ZBTB20: variants seen among roughly 807,000 people sequenced by gnomAD.
The protein encoded by ZBTB20 is zinc finger and BTB domain-containing protein 20.
ZBTB20 carries 9 observed loss-of-function variants against 56.9 expected under a neutral mutation model. That is an observed-to-expected ratio of 0.16 (90% confidence interval 0.10 to 0.28). The LOEUF is 0.28. Ranked by LOEUF, ZBTB20 falls within the 10% of genes least tolerant of loss-of-function variation. The pLI is 1.00. For missense variants in ZBTB20, 655 were observed against 1,003.0 expected (o/e 0.65, Z 4.69); for synonymous variants, 417 against 420.7 (o/e 0.99, Z 0.11).
At chr3:114,855,101 A>G (rs1027579194) in intron 4 of ZBTB20, among the ~76,000 whole-genome samples, 4 of 152,212 alleles carry the variant, frequency 2.6e-5, no homozygotes, top group Non-Finnish European at 4.4e-5. Flanking sequence ...ACTATCAATC[A>G]ATAATTATGT....
chr3:114,985,046 T>C (rs1206338316), intron 2 of ZBTB20, among the ~76,000 whole-genome samples: 1 of 152,086 alleles, frequency 6.6e-6, no homozygotes, highest in Non-Finnish European at 1.5e-5. Flanking sequence ...ATCCACCCTA[T>C]CTGACCCAAG....
chr3:114,575,424 T>C (rs1488181477), intron 6 of ZBTB20, among the ~76,000 whole-genome samples: 1 of 152,210 alleles, frequency 6.6e-6, no homozygotes, highest in Non-Finnish European at 1.5e-5. Context: ...TTGTTTTATT[T>C]AATCTGCTTT....
intron 2 of ZBTB20, among the ~76,000 whole-genome samples, chr3:115,032,023 C>T (rs902786791): frequency 2.0e-5 from 3 of 151,420 alleles, no homozygotes; most frequent in Non-Finnish European, 3.0e-5. Context: ...TTCCTTTGGG[C>T]TTTCAAGGGA....
chr3:114,499,620 G>A (rs985440214), intron 7 of ZBTB20, among the ~76,000 whole-genome samples: 9 of 152,080 alleles, frequency 5.9e-5, no homozygotes, highest in African/African-American at 2.2e-4. Flanking sequence ...GGGTTCATTG[G>A]CCTAGAATCT....
chr3:115,006,006 TTTTTTTC>T (rs1024996167), intron 2 of ZBTB20, among the ~76,000 whole-genome samples: 3 of 151,754 alleles, frequency 2.0e-5, no homozygotes, highest in African/African-American at 7.2e-5. Flanking sequence ...CCAAATGTTT[TTTTTTTC>T]TTTTTTCTTT....
chr3:114,998,133 G>A (rs1016154637), intron 2 of ZBTB20, among the ~76,000 whole-genome samples: 2 of 151,528 alleles, frequency 1.3e-5, no homozygotes, highest in Admixed American at 6.6e-5. Flanking sequence ...AGTATAGATA[G>A]GTCAAATTTA....
intron 7 of ZBTB20, among the ~76,000 whole-genome samples, chr3:114,390,232 G>T (rs1490766072): frequency 6.6e-6 from 1 of 152,026 alleles, no homozygotes; most frequent in African/African-American, 2.4e-5. Flanking sequence ...CATATATCAT[G>T]GATGACCTCT....
chr3:115,134,592 C>T (rs540035794), intron 1 of ZBTB20, among the ~76,000 whole-genome samples: 12 of 152,048 alleles, frequency 7.9e-5, no homozygotes, highest in Non-Finnish European at 1.8e-4. Context: ...TATGCTCTCC[C>T]ACAAATCCTG....
intron 4 of ZBTB20, among the ~76,000 whole-genome samples, chr3:114,812,213 G>A (rs1051376275): frequency 5.9e-5 from 9 of 151,782 alleles, no homozygotes; most frequent in East Asian, 5.8e-4. Context: ...CTTATCTGGC[G>A]CCACCCACAT....
intron 6 of ZBTB20, among the ~76,000 whole-genome samples, chr3:114,549,993 A>C (rs1045613504): frequency 6.6e-6 from 1 of 151,936 alleles, no homozygotes; most frequent in African/African-American, 2.4e-5. Flanking sequence ...GTTGGAGTGC[A>C]GTGGCGCGAT....
intron 4 of ZBTB20, among the ~76,000 whole-genome samples, chr3:114,862,707 A>G (rs1279084669): frequency 1.3e-5 from 2 of 152,164 alleles, no homozygotes; most frequent in Non-Finnish European, 2.9e-5. Flanking sequence ...ATTTGTTGCA[A>G]TAAGTGTATA....
chr3:114,435,986 AAT>A (rs1189089816), intron 7 of ZBTB20, among the ~76,000 whole-genome samples: 1 of 152,088 alleles, frequency 6.6e-6, no homozygotes, highest in Admixed American at 6.5e-5. Flanking sequence ...ATTTGGTTAA[AAT>A]GTGTTTGAAG....
intron 7 of ZBTB20, among the ~76,000 whole-genome samples, chr3:114,497,227 A>G (rs568781341): frequency 3.3e-5 from 5 of 152,102 alleles, no homozygotes; most frequent in African/African-American, 1.2e-4. Context: ...TGGTCTCCCT[A>G]TTCTGAGTCA....
At chr3:114,590,437 C>T (rs763551696) in intron 6 of ZBTB20, among the ~76,000 whole-genome samples, 5 of 149,018 alleles carry the variant, frequency 3.4e-5, no homozygotes, top group South Asian at 2.1e-4. Flanking sequence ...GCAGCCTGGG[C>T]GAAAGACTGA....
chr3:114,552,064 CATT>C (rs1185960860), intron 6 of ZBTB20, among the ~76,000 whole-genome samples: 1 of 152,110 alleles, frequency 6.6e-6, no homozygotes, highest in African/African-American at 2.4e-5. Context: ...TATTTTAAAA[CATT>C]ATTTGGGCAT....
At chr3:114,717,858 C>T (rs2064604928) in intron 5 of ZBTB20, among the ~76,000 whole-genome samples, 1 of 151,524 alleles carries the variant, frequency 6.6e-6, no homozygotes, top group Non-Finnish European at 1.5e-5. Flanking sequence ...CGGATAACCG[C>T]TTCTTTTCCT....
chr3:115,025,967 A>G (rs2080406718), intron 2 of ZBTB20, among the ~76,000 whole-genome samples: 1 of 150,930 alleles, frequency 6.6e-6, no homozygotes, highest in Non-Finnish European at 1.5e-5. Flanking sequence ...TGCCTAACAC[A>G]AAGTAACTGC....
At chr3:115,010,067 A>C (rs952424777) in intron 2 of ZBTB20, among the ~76,000 whole-genome samples, 6 of 152,084 alleles carry the variant, frequency 3.9e-5, no homozygotes, top group African/African-American at 1.4e-4. Context: ...TGTCCCACTA[A>C]GCAAAAAACA....
At chr3:114,768,374 T>C (rs1363761258) in intron 5 of ZBTB20, among the ~76,000 whole-genome samples, 5 of 152,074 alleles carry the variant, frequency 3.3e-5, no homozygotes, top group Admixed American at 1.3e-4. Flanking sequence ...AATTCTACAT[T>C]ACTCCCTGTT....
Sources: gnomAD v4.1 joint callset for allele counts (sites outside exome capture counted in the v4.1 genomes callset) on GRCh38, gnomAD v4.1.1 for gene constraint, MANE v1.5 for transcripts, NCBI Gene and HGNC (gene_info 2026-07-23, HGNC 2026-07-21) for gene names.